Variants in XXYLT1 observed in about 807,000 individuals in gnomAD.
The protein encoded by XXYLT1 is xyloside xylosyltransferase 1.
XXYLT1 carries 20 observed loss-of-function variants against 28.9 expected under a neutral mutation model. That is an observed-to-expected ratio of 0.69 (90% CI 0.49 to 1.00). XXYLT1 has a LOEUF of 1.00. Among genes scored for constraint, XXYLT1 ranks in the 50% least tolerant of loss-of-function variants. The pLI is 0.00. For missense variants in XXYLT1, 542 were observed against 560.1 expected, an observed-to-expected ratio of 0.97 and a Z score of 0.33; for synonymous variants, 257 against 253.8, an observed-to-expected ratio of 1.01 and a Z score of -0.12.
chr3:195,185,621 A>G (rs1391938752), intron 2 of XXYLT1, among the ~76,000 whole-genome samples: 2 of 151,148 alleles, frequency 1.3e-5, no homozygotes, highest in Non-Finnish European at 2.9e-5. Context: ...TGTGGCACAC[A>G]TTATTTTAGA....
intron 3 of XXYLT1, among the ~76,000 whole-genome samples, chr3:195,134,225 TATTTCTATAAATTTAGCATAGC>T: frequency 6.6e-6 from 1 of 152,354 alleles, no homozygotes; most frequent in East Asian, 1.9e-4. Context: ...AAAGAACATT[TATTTCTATAAATTTAGCATAGC>T]CTACAGGTGC....
chr3:195,248,058 C>T (rs1023207478), intron 1 of XXYLT1: 3 of 520,718 alleles, frequency 5.8e-6, no homozygotes, highest in African/African-American at 3.9e-5. Flanking sequence ...CTTTCCAAGG[C>T]TGCCTGCTCT....
chr3:195,144,094 A>G (rs1458697476), intron 3 of XXYLT1, among the ~76,000 whole-genome samples: 1 of 149,048 alleles, frequency 6.7e-6, no homozygotes, highest in African/African-American at 2.4e-5. Context: ...GGGTTTCACT[A>G]TGTTGGCCAG....
chr3:195,080,616 C>T (rs998628879), intron 3 of XXYLT1, among the ~76,000 whole-genome samples: 2 of 152,222 alleles, frequency 1.3e-5, no homozygotes, highest in African/African-American at 2.4e-5. Flanking sequence ...AGAATCGGCT[C>T]ACTGTCCCCG....
At chr3:195,112,441 CGCACACCCACACGCATGT>C (rs1269974442) in intron 3 of XXYLT1, among the ~76,000 whole-genome samples, 1 of 151,290 alleles carries the variant, frequency 6.6e-6, no homozygotes. Context: ...CACACACGCA[CGCACACCCACACGCATGT>C]GCACACCCAC....
In XXYLT1 at chr3:195,077,817, G is replaced by A. The variant is rs899219114; in HGVS notation, c.786-7706C>T. ...ACCAGGACCCCAAGGTTGCTGCCCC[G>A]TATCCTCAGGATGTGCCATGCCCTT... On this transcript the variant is annotated intron_variant, in intron 3 of 3. Transcript: ENST00000310380. This position sits in a 1 kb window ranked among gnomAD's most constrained non-coding sequence, Gnocchi z 4.8. 3.3e-5 allele frequency among the ~76,000 whole-genome samples: 5 copies of A among 152,108 alleles called. No homozygotes were observed. Among genetic ancestry groups the A allele is most frequent in the Non-Finnish European group, 5.9e-5 (4 of 68,012 alleles).
rs1553808738 is a variant in XXYLT1, at chr3:195,138,874, A to AAAG, written c.785+17574_785+17575insCTT. On this transcript the variant is annotated intron_variant, in intron 3 of 3. Transcript: ENST00000310380. ...TGCCTCAGGAAAAAAAAAAAAAAAA[A>AAAG]AAAGAAAGAAAGAAAGAAAGAAAAA... Among the ~76,000 whole-genome samples the AAAG allele has an allele frequency of 2.3e-3, 351 of 150,214 alleles. 2 individuals are homozygous for AAAG. Among genetic ancestry groups the AAAG allele is most frequent in the African/African-American group, 7.9e-3 (319 of 40,434 alleles).
rs1373785137 is a variant in XXYLT1, at chr3:195,143,833, TATAG to T, written c.785+12612_785+12615del. ...ATATATAGATATAGATATATATAGA[TATAG>T]ATATAGATATATATATAGATATATA... On this transcript the variant is annotated intron_variant, in intron 3 of 3. Coordinates refer to ENST00000310380, the MANE Select transcript of XXYLT1 (RefSeq NM_152531.5). 7.7e-5 allele frequency among the ~76,000 whole-genome samples: 7 copies of T among 90,940 alleles called. 1 individual carries two copies. Among genetic ancestry groups the T allele is most frequent in the African/African-American group, 2.8e-4 (6 of 21,288 alleles). 59.7% of individuals were successfully genotyped at this position (90,940 alleles called of 152,430 possible).
chr3:195,143,861 TATAGATATAGATATATATA>T (rs1719673698), intron 3 of XXYLT1, among the ~76,000 whole-genome samples: 2 of 100,898 alleles, frequency 2.0e-5, no homozygotes, highest in African/African-American at 4.1e-5. Flanking sequence ...TATAGATATA[TATAGATATAGATATATATA>T]TATATATATT....
chr3:195,100,844 G>A (rs1397620317), intron 3 of XXYLT1, among the ~76,000 whole-genome samples: 1 of 152,182 alleles, frequency 6.6e-6, no homozygotes, highest in Non-Finnish European at 1.5e-5. Flanking sequence ...GAGTTCTTTG[G>A]GGACAGAGAC....
chr3:195,233,370 G>A (rs1724385328), intron 1 of XXYLT1, among the ~76,000 whole-genome samples: 1 of 152,022 alleles, frequency 6.6e-6, no homozygotes, highest in Non-Finnish European at 1.5e-5. Context: ...TACATTCAAT[G>A]TTATTATTGA....
intron 1 of XXYLT1, among the ~76,000 whole-genome samples, chr3:195,262,680 C>T (rs1355017534): frequency 6.6e-6 from 1 of 152,160 alleles, no homozygotes; most frequent in East Asian, 1.9e-4. Context: ...GACCCCAAGG[C>T]TCTGCCTTAT....
At chr3:195,130,898 T>A (rs934685927) in intron 3 of XXYLT1, among the ~76,000 whole-genome samples, 1 of 151,924 alleles carries the variant, frequency 6.6e-6, no homozygotes, top group African/African-American at 2.4e-5. Flanking sequence ...TGCGGCTTTG[T>A]CCCATACGCT....
intron 1 of XXYLT1, among the ~76,000 whole-genome samples, chr3:195,263,268 C>G (rs1480753748): frequency 6.6e-6 from 1 of 152,250 alleles, no homozygotes; most frequent in African/African-American, 2.4e-5. Flanking sequence ...TTGGCACATG[C>G]TCCTCCTGGA....
At chr3:195,151,283 C>A (rs1720230739) in intron 3 of XXYLT1, among the ~76,000 whole-genome samples, 2 of 152,158 alleles carry the variant, frequency 1.3e-5, no homozygotes, top group Admixed American at 1.3e-4. Context: ...GTGGCTCATA[C>A]CTGTCATCCC....
chr3:195,113,730 G>A (rs1207045019), intron 3 of XXYLT1, among the ~76,000 whole-genome samples: 1 of 152,170 alleles, frequency 6.6e-6, no homozygotes, highest in African/African-American at 2.4e-5. Context: ...AGCCTGCACA[G>A]CACCCACAGG....
intron 2 of XXYLT1, among the ~76,000 whole-genome samples, chr3:195,223,497 T>A (rs1350243994): frequency 2.6e-5 from 4 of 152,036 alleles, no homozygotes. Flanking sequence ...AGAAACAGAA[T>A]AGCCAATGTA....
chr3:195,087,681 C>G (rs890908979), intron 3 of XXYLT1, among the ~76,000 whole-genome samples: 1 of 152,198 alleles, frequency 6.6e-6, no homozygotes, highest in Non-Finnish European at 1.5e-5. Context: ...CTGGAGGAGC[C>G]AAGATGGCCG....
At chr3:195,251,461 A>G (rs1333483694) in intron 1 of XXYLT1, among the ~76,000 whole-genome samples, 1 of 152,186 alleles carries the variant, frequency 6.6e-6, no homozygotes, top group East Asian at 1.9e-4. Flanking sequence ...GCACCTGCCC[A>G]TGAAGGGAGT....
Sources: allele counts gnomAD v4.1 joint callset (sites outside exome capture counted in the v4.1 genomes callset), GRCh38; gene constraint gnomAD v4.1.1; non-coding constraint Gnocchi (gnomAD v3.1); transcripts MANE v1.5; gene names NCBI Gene and HGNC (gene_info 2026-07-23, HGNC 2026-07-21).